The following TF variants were observed in gnomAD, a reference collection of about 807,000 sequenced individuals.
The protein encoded by TF is serotransferrin.
In TF, 55 loss-of-function variants were observed where a neutral mutation model predicts 82.4. The observed-to-expected ratio is 0.67, with a 90% CI of 0.54 to 0.84. TF has a LOEUF of 0.84. TF is among the 40% of genes least tolerant of loss of function. The pLI, the probability that TF is intolerant of heterozygous loss-of-function variation, is 0.00. For synonymous variants in TF, 332 were observed against 332.6 expected (o/e 1.00, Z 0.02); for missense variants, 737 against 868.4 (o/e 0.85, Z 1.90).
chr3:133,706,157 G>A, the TF span, among the ~76,000 whole-genome samples: 9 of 152,278 alleles, frequency 5.9e-5, no homozygotes, highest in Admixed American at 1.3e-4. Flanking sequence ...ACCACACTGC[G>A]CCTGAGCACA....
chr3:133,778,711 G>A lies in TF; in HGVS notation c.*91G>A. On this transcript the variant is annotated 3_prime_UTR_variant, in exon 17 of 17. Transcript: ENST00000402696. Reference sequence around the variant, plus strand: ...GGTTTCACTGGCCCAAGTGGTTTGTGCTAACCACGTCTGTCTTCACAGCTC... The same window carrying A: ...GGTTTCACTGGCCCAAGTGGTTTGTACTAACCACGTCTGTCTTCACAGCTC... 6 of 1,354,320 alleles carry A rather than the reference G, an allele frequency of 4.4e-6. No individual in the cohort carries two copies. Among genetic ancestry groups the A allele is most frequent in the Non-Finnish European group, 6.3e-6 (6 of 954,176 alleles). The allele number at this position is 1,354,320 out of a possible 1,614,324, so 83.9% of individuals were successfully genotyped here.
chr3:133,714,053 C>T, the TF span, among the ~76,000 whole-genome samples: 4 of 152,098 alleles, frequency 2.6e-5, no homozygotes, highest in Non-Finnish European at 5.9e-5. Flanking sequence ...TCAGGGCAGG[C>T]CTCAGCAGGC....
chr3:133,756,981 T>C lies in TF; in HGVS notation c.842T>C (p.Leu281Ser). 6.2e-7 allele frequency: 1 copy of C among 1,614,130 alleles called. No individual in the cohort carries two copies. The highest frequency in any genetic ancestry group is 1.1e-5 in the South Asian group (1 of 91,078). ...CGAAGTATGGGCGGCAAGGAGGACT[T>C]GATCTGGGAGCTTCTCAACCAGGCC... Reference protein sequence around the residue: ...VARSMGGKEDLIWELLNQAQE... With the variant: ...VARSMGGKEDSIWELLNQAQE... Residue 281 changes from leucine (L) to serine (S), a missense_variant, in exon 7 of 17, where the codon TTG becomes TCG. Transcript: ENST00000402696.
intron 2 of TF, among the ~76,000 whole-genome samples, chr3:133,751,313 AG>A (rs1159838220): frequency 6.7e-6 from 1 of 148,844 alleles, no homozygotes; most frequent in Admixed American, 6.8e-5. Flanking sequence ...ACTCACTGCA[AG>A]CTCCGCCTCC....
At chr3:133,766,211 A>G in intron 11 of TF, 67 bp from the exon 12 acceptor site, 1 of 1,492,476 alleles carries the variant, frequency 6.7e-7, no homozygotes, top group South Asian at 1.1e-5. Flanking sequence ...AGGGAAATTG[A>G]TTGGAAGCAG....
At chr3:133,778,254 C>G (rs1208508454) in intron 16 of TF, 2 of 312,076 alleles carry the variant, frequency 6.4e-6, no homozygotes, top group Non-Finnish European at 1.3e-5. Flanking sequence ...CAGTTCCTCA[C>G]CTGCTTAAAG....
At chr3:133,704,423 T>C in the TF span, 70 of 171,486 alleles carry the variant, frequency 4.1e-4, 2 homozygotes, top group Middle Eastern at 3.1e-3. Context: ...ATAATAACTA[T>C]TGTTGGAATG....
chr3:133,733,435 C>T, the TF span, among the ~76,000 whole-genome samples: 4 of 152,240 alleles, frequency 2.6e-5, no homozygotes, highest in South Asian at 2.1e-4. Flanking sequence ...GGCTAGCATT[C>T]CTGCACACCT....
rs8177242 is a variant in TF at position 133,759,470 on chromosome 3, C to T, written c.1203+141C>T. The T allele has an allele frequency of 2.8e-3, 2,877 of 1,010,624 alleles. 63 individuals carry two copies. The African/African-American group carries it at 0.04, about 14-fold the overall frequency. The allele number at this position is 1,010,624 out of a possible 1,614,324, so 62.6% of individuals were successfully genotyped here. A position where few individuals can be genotyped will look rare whatever the true frequency, so the allele number is the denominator to read the frequency against. ...TTGCCCTGACTATGTGAGCACAGCC[C>T]CACCGGAGGTTCAGAATCTTTGAGC... On this transcript the variant is annotated intron_variant, in intron 9 of 16. Coordinates refer to ENST00000402696, the MANE Select transcript of TF (RefSeq NM_001063.4).
the TF span, among the ~76,000 whole-genome samples, chr3:133,727,283 G>A: frequency 2.6e-5 from 4 of 151,568 alleles, no homozygotes; most frequent in African/African-American, 9.7e-5. Flanking sequence ...TTATTGTGTG[G>A]GAGTCTAAGT....
At chr3:133,764,801 C>T in intron 10 of TF, 74 bp from the exon 11 acceptor site, 1 of 1,414,252 alleles carries the variant, frequency 7.1e-7, no homozygotes. Flanking sequence ...TTAGCTGCAG[C>T]ATAAAAAAAA....
In TF at chr3:133,784,039, C is replaced by T. The variant is rs1934581549; in HGVS notation, c.*5419C>T. On this transcript the variant is annotated 3_prime_UTR_variant, in exon 17 of 17. Coordinates refer to ENST00000402696, the MANE Select transcript of TF (RefSeq NM_001063.4). ...GCGCGGCTCAGCTGCCTCCGTAGGC[C>T]ATGGAGCCGAGCAGATCCGGGTCTT... The T allele has an allele frequency of 6.6e-6, 1 of 152,356 alleles. No homozygotes were observed. Among genetic ancestry groups the T allele is most frequent in the Non-Finnish European group, 1.5e-5 (1 of 68,136 alleles). The allele number at this position is 152,356 out of a possible 1,614,324, so 9.4% of individuals were successfully genotyped here. A position where few individuals can be genotyped will look rare whatever the true frequency, so the allele number is the denominator to read the frequency against.
chr3:133,763,452 A>C (rs1934045976), intron 9 of TF, among the ~76,000 whole-genome samples: 2 of 152,196 alleles, frequency 1.3e-5, no homozygotes, highest in Admixed American at 1.3e-4. Context: ...GCTTCCACTT[A>C]TTTAGCTATT....
chr3:133,737,332 T>C, the TF span, among the ~76,000 whole-genome samples: 2 of 152,118 alleles, frequency 1.3e-5, no homozygotes, highest in Non-Finnish European at 2.9e-5. Flanking sequence ...AGAGGGAAAT[T>C]TATACCACTA....
At chr3:133,679,553 A>G in the TF span, among the ~76,000 whole-genome samples, 1 of 78,790 alleles carries the variant, frequency 1.3e-5, no homozygotes, top group African/African-American at 5.1e-5. Flanking sequence ...CATACAGTAT[A>G]TTGTGCTTTG....
the TF span, among the ~76,000 whole-genome samples, chr3:133,704,683 A>G: frequency 3.3e-5 from 5 of 152,180 alleles, no homozygotes; most frequent in Non-Finnish European, 1.5e-5. Context: ...ATTTTATCAT[A>G]GGTGAGAAGA....
the TF span, among the ~76,000 whole-genome samples, chr3:133,665,186 A>G: frequency 1.3e-5 from 2 of 152,146 alleles, no homozygotes; most frequent in East Asian, 1.9e-4. Flanking sequence ...GAAGCTGGGG[A>G]CCGGGTGCTA....
the TF span, among the ~76,000 whole-genome samples, chr3:133,728,447 AG>A: frequency 6.7e-6 from 1 of 149,346 alleles, no homozygotes; most frequent in Non-Finnish European, 1.5e-5. Context: ...TCATTGCATC[AG>A]CTCCTGAGGC....
the TF span, among the ~76,000 whole-genome samples, chr3:133,672,232 C>T: frequency 6.6e-6 from 1 of 152,044 alleles, no homozygotes; most frequent in Non-Finnish European, 1.5e-5. Flanking sequence ...AAAACTTTTC[C>T]ACAAGTAAAA....
Sources: allele counts gnomAD v4.1 joint callset (sites outside exome capture counted in the v4.1 genomes callset), GRCh38; gene constraint gnomAD v4.1.1; transcripts MANE v1.5; gene names NCBI Gene and HGNC (gene_info 2026-07-23, HGNC 2026-07-21).